Variants in IPCEF1 observed in about 807,000 individuals in gnomAD.
The protein encoded by IPCEF1 is interaction protein for cytohesin exchange factors 1.
In IPCEF1, 31 loss-of-function variants were observed where a neutral mutation model predicts 50.9. That is an observed-to-expected ratio of 0.61 (90% CI 0.46 to 0.82). The LOEUF (loss-of-function observed/expected upper bound fraction) is 0.82. Ranked by LOEUF, IPCEF1 falls within the 40% of genes least tolerant of loss-of-function variation. IPCEF1 has a pLI of 0.00. For missense variants in IPCEF1, 458 were observed against 514.0 expected (o/e 0.89, Z 1.05); for synonymous variants, 181 against 192.0 (o/e 0.94, Z 0.47).
intron 3 of IPCEF1, among the ~76,000 whole-genome samples, chr6:154,251,475 T>G (rs1333755957): frequency 1.3e-5 from 2 of 152,222 alleles, no homozygotes; most frequent in Non-Finnish European, 1.5e-5. Context: ...GCTCTGAGTC[T>G]TTTCAAGATT....
At chr6:154,344,477 T>C (rs1422988261) in intron 1 of IPCEF1, among the ~76,000 whole-genome samples, 1 of 152,156 alleles carries the variant, frequency 6.6e-6, no homozygotes, top group Non-Finnish European at 1.5e-5. Context: ...CTTTGGGGCA[T>C]GTAAAGATAT....
At chr6:154,316,809 T>C (rs1009744903) in intron 1 of IPCEF1, among the ~76,000 whole-genome samples, 1 of 152,214 alleles carries the variant, frequency 6.6e-6, no homozygotes, top group Non-Finnish European at 1.5e-5. Flanking sequence ...ACATGTTATT[T>C]AGTTCAATTT....
At chr6:154,267,684 A>G (rs1468259934) in intron 2 of IPCEF1, among the ~76,000 whole-genome samples, 1 of 152,192 alleles carries the variant, frequency 6.6e-6, no homozygotes, top group East Asian at 1.9e-4. Flanking sequence ...AGGTCGTCCC[A>G]TGGAGTGTTC....
chr6:154,244,851 A>T (rs1447704176), intron 5 of IPCEF1, among the ~76,000 whole-genome samples: 1 of 152,218 alleles, frequency 6.6e-6, no homozygotes, highest in Non-Finnish European at 1.5e-5. Flanking sequence ...TACTTCCCAC[A>T]GACATGCCAA....
At chr6:154,235,839 G>A (rs755927298) in intron 5 of IPCEF1, among the ~76,000 whole-genome samples, 15 of 152,110 alleles carry the variant, frequency 9.9e-5, no homozygotes, top group South Asian at 2.1e-4. Flanking sequence ...CAAAGCCACC[G>A]TGTGATGGTA....
chr6:154,254,284 A>G (rs2350879), intron 3 of IPCEF1, among the ~76,000 whole-genome samples: 34,300 of 152,154 alleles, frequency 0.23, 4,562 homozygotes, highest in Admixed American at 0.43. Context: ...TGGGTAATTT[A>G]TAAACAAAAG....
intron 9 of IPCEF1, among the ~76,000 whole-genome samples, chr6:154,201,625 T>C (rs1777075538): frequency 1.3e-5 from 2 of 152,234 alleles, no homozygotes; most frequent in African/African-American, 2.4e-5. Context: ...CCAGGCGCGG[T>C]GGCTCATGCC....
chr6:154,245,387 G>A lies in IPCEF1; in HGVS notation c.246+1204C>T, dbSNP rs188988250. Among the ~76,000 whole-genome samples the A allele has an allele frequency of 9.4e-3, 1,426 of 152,278 alleles. 16 individuals are homozygous for A. The highest frequency in any genetic ancestry group is 0.024 in the Middle Eastern group (7 of 294). On this transcript the variant is annotated intron_variant, in intron 5 of 11. Transcript: ENST00000367220. Reference sequence around the variant, plus strand: ...ATAAGTTTGGGGGCAGAGCAGCAGAGAGGAGAGTGCTTATTCCCAGCACTG... The same window carrying A: ...ATAAGTTTGGGGGCAGAGCAGCAGAAAGGAGAGTGCTTATTCCCAGCACTG...
intron 1 of IPCEF1, among the ~76,000 whole-genome samples, chr6:154,307,834 A>G (rs1242729047): frequency 6.6e-6 from 1 of 152,198 alleles, no homozygotes; most frequent in East Asian, 1.9e-4. Flanking sequence ...ATGTGTGCTC[A>G]CAGCACTGAG....
chr6:154,228,846 C>G (rs1222238375), intron 5 of IPCEF1, among the ~76,000 whole-genome samples: 1 of 152,186 alleles, frequency 6.6e-6, no homozygotes, highest in Non-Finnish European at 1.5e-5. Flanking sequence ...TGAGATGGTG[C>G]CACTTGCACT....
At chr6:154,196,033 G>A (rs1336869186) in intron 10 of IPCEF1, among the ~76,000 whole-genome samples, 1 of 151,844 alleles carries the variant, frequency 6.6e-6, no homozygotes. Flanking sequence ...CTCGTGATCC[G>A]CCTACCTCGG....
chr6:154,165,373 T>C, intron 11 of IPCEF1, among the ~76,000 whole-genome samples: 1 of 152,204 alleles, frequency 6.6e-6, no homozygotes, highest in Admixed American at 6.5e-5. Context: ...ATAATTATTA[T>C]ACCCTTCCAA....
At chr6:154,210,805 T>G (rs1777895369) in intron 9 of IPCEF1, among the ~76,000 whole-genome samples, 1 of 152,244 alleles carries the variant, frequency 6.6e-6, no homozygotes, top group South Asian at 2.1e-4. Context: ...TGCTTAATTT[T>G]GGCTAATCAT....
At position 154,281,278 on chromosome 6, in the gene IPCEF1, G is replaced by A. The variant is rs372851404; in HGVS notation, c.-18+8435C>T. Among the ~76,000 whole-genome samples the A allele has an allele frequency of 4.6e-5, 7 of 151,272 alleles. No homozygotes were observed. The East Asian group carries it at 5.9e-4, about 13-fold the overall frequency. ...TGAGGCAAGAGAATTGCCTGAACCC[G>A]GGAGGTGGAGGTTGCAGTGAGGCGA... is the stretch of plus-strand genomic sequence containing the variant. On this transcript the variant is annotated intron_variant, in intron 2 of 11. Transcript: ENST00000367220.
Position 154,181,523 on chromosome 6 carries a change from G to A in IPCEF1, c.911-13410C>T, listed in dbSNP as rs573525976. Among the ~76,000 whole-genome samples, 6 of 152,222 alleles carry A rather than the reference G, an allele frequency of 3.9e-5. No homozygotes were observed. The South Asian group carries it at 1.0e-3, about 26-fold the overall frequency. Reference sequence around the variant, plus strand: ...TGCTATGAATATATATATTTGATGCGTTCTTTTGAATGAAAGTCAGTGAAG... The same window carrying A: ...TGCTATGAATATATATATTTGATGCATTCTTTTGAATGAAAGTCAGTGAAG... On this transcript the variant is annotated intron_variant, in intron 10 of 11. Transcript: ENST00000367220.
intron 10 of IPCEF1, among the ~76,000 whole-genome samples, chr6:154,181,239 T>C (rs1285283854): frequency 6.6e-6 from 1 of 152,172 alleles, no homozygotes; most frequent in Admixed American, 6.5e-5. Flanking sequence ...ACCAACAACA[T>C]TGGCATAGTA....
At chr6:154,228,659 G>A (rs530708078) in intron 5 of IPCEF1, among the ~76,000 whole-genome samples, 1 of 152,294 alleles carries the variant, frequency 6.6e-6, no homozygotes, top group Admixed American at 6.5e-5. Context: ...ACATTGGGGG[G>A]AAATGTAAAG....
intron 5 of IPCEF1, among the ~76,000 whole-genome samples, chr6:154,230,696 C>T (rs548212405): frequency 6.6e-6 from 1 of 152,206 alleles, no homozygotes; most frequent in Non-Finnish European, 1.5e-5. Context: ...AATATTATAT[C>T]TCTATTTTCA....
intron 2 of IPCEF1, among the ~76,000 whole-genome samples, chr6:154,276,029 A>G (rs376550563): frequency 1.4e-4 from 21 of 152,128 alleles, no homozygotes; most frequent in African/African-American, 4.8e-4. Context: ...AAAATACCAA[A>G]AAAATTTAGC....
Sources: gnomAD v4.1 joint callset for allele counts (sites outside exome capture counted in the v4.1 genomes callset) on GRCh38, gnomAD v4.1.1 for gene constraint, MANE v1.5 for transcripts, NCBI Gene and HGNC (gene_info 2026-07-23, HGNC 2026-07-21) for gene names.